Variants in KCNU1 observed in about 807,000 individuals in gnomAD.
KCNU1 encodes potassium calcium-activated channel subfamily U member 1.
A neutral mutation model predicts 126.8 loss-of-function variants in KCNU1; 93 were observed. The observed-to-expected ratio is 0.73, with a 90% confidence interval of 0.62 to 0.87. The LOEUF is 0.87. Ranked by LOEUF, KCNU1 falls within the 40% of genes least tolerant of loss-of-function variation. The pLI is 0.00. For missense variants in KCNU1, 1,330 were observed against 1,367.1 expected (o/e 0.97, Z 0.43); for synonymous variants, 523 against 494.2 (o/e 1.06, Z -0.77).
intron 26 of KCNU1, among the ~76,000 whole-genome samples, 200 bp downstream of exon 26, chr8:36,933,232 T>A (rs758173108): frequency 1.1e-4 from 16 of 152,074 alleles, no homozygotes; most frequent in Non-Finnish European, 2.2e-4. Context: ...CCTATTAATA[T>A]TGGCTATATA....
At chr8:36,833,162 T>C (rs1393923245) in intron 10 of KCNU1, among the ~76,000 whole-genome samples, 2 of 152,112 alleles carry the variant, frequency 1.3e-5, no homozygotes, top group East Asian at 1.9e-4. Flanking sequence ...ATATTAAACA[T>C]GTGTGTTCAA....
At chr8:36,920,583 T>C (rs1808302970) in intron 23 of KCNU1, among the ~76,000 whole-genome samples, 1 of 152,148 alleles carries the variant, frequency 6.6e-6, no homozygotes, top group Non-Finnish European at 1.5e-5. Flanking sequence ...GTCATGTTGA[T>C]GTGGGAGTTG....
intron 18 of KCNU1, among the ~76,000 whole-genome samples, chr8:36,846,802 A>G (rs1271142776): frequency 6.6e-6 from 1 of 151,972 alleles, no homozygotes. Context: ...AAAAAAAAAA[A>G]AAAACTTAGC....
intron 22 of KCNU1, among the ~76,000 whole-genome samples, chr8:36,917,859 C>T (rs1472231345): frequency 6.6e-6 from 1 of 152,174 alleles, no homozygotes; most frequent in Non-Finnish European, 1.5e-5. Context: ...ACAACCTGAG[C>T]ACAGAGGTCA....
intron 24 of KCNU1, among the ~76,000 whole-genome samples, chr8:36,926,269 C>CAAGTGTATGTGA (rs1808529194): frequency 6.6e-6 from 1 of 152,124 alleles, no homozygotes; most frequent in Non-Finnish European, 1.5e-5. Flanking sequence ...AGAGTCATTC[C>CAAGTGTATGTGA]TCGCTGCCGC....
chr8:36,827,198 G>A (rs1370899538), intron 10 of KCNU1, among the ~76,000 whole-genome samples: 1 of 152,140 alleles, frequency 6.6e-6, no homozygotes, highest in Non-Finnish European at 1.5e-5. Context: ...TCTGCCTCAG[G>A]ACCATCTAAT....
intron 12 of KCNU1, among the ~76,000 whole-genome samples, 189 bp downstream of exon 12, chr8:36,835,057 C>T (rs761231349): frequency 3.9e-5 from 6 of 152,258 alleles, no homozygotes; most frequent in South Asian, 4.2e-4. Flanking sequence ...AGGATAAAAA[C>T]GGAGCATCCT....
At chr8:36,904,600 C>T (rs1454070377) in intron 19 of KCNU1, among the ~76,000 whole-genome samples, 1 of 152,060 alleles carries the variant, frequency 6.6e-6, no homozygotes, top group East Asian at 1.9e-4. Context: ...TCCCATGTTC[C>T]CCAGGCCTCT....
Position 36,909,522 on chromosome 8 carries a change from T to C in KCNU1, c.2318T>C (p.Ile773Thr). 1 of 1,587,050 alleles carries C rather than the reference T, an allele frequency of 6.3e-7. No individual in the cohort carries two copies. Among genetic ancestry groups the C allele is most frequent in the South Asian group, 1.1e-5 (1 of 90,498 alleles). Reference sequence around the variant, plus strand: ...CGATTTCTCTGGAATTTTCCCCAGATATACATTCTGCCTGTAAGTATCATA... The same window carrying C: ...CGATTTCTCTGGAATTTTCCCCAGACATACATTCTGCCTGTAAGTATCATA... ...EWRFLWNFPQ[I>T]YILPGCALYS... Residue 773 changes from isoleucine (I) to threonine (T), a missense_variant, in exon 21 of 27, where the codon ATA (isoleucine) becomes ACA (threonine). Coordinates refer to ENST00000399881, the MANE Select transcript of KCNU1 (RefSeq NM_001031836.3).
At chr8:36,899,199 G>A (rs986798471) in intron 19 of KCNU1, among the ~76,000 whole-genome samples, 4 of 151,998 alleles carry the variant, frequency 2.6e-5, no homozygotes, top group Non-Finnish European at 5.9e-5. Context: ...CTTAGATGTG[G>A]GTTTATCTAA....
chr8:36,890,828 A>G (rs1806933930), intron 19 of KCNU1, among the ~76,000 whole-genome samples: 1 of 151,650 alleles, frequency 6.6e-6, no homozygotes, highest in African/African-American at 2.4e-5. Context: ...AACACTTATT[A>G]CCTTTTTTCT....
intron 14 of KCNU1, among the ~76,000 whole-genome samples, chr8:36,837,967 T>G (rs959068168): frequency 3.3e-5 from 5 of 152,190 alleles, no homozygotes; most frequent in African/African-American, 1.2e-4. Flanking sequence ...GTTTCTTCCC[T>G]GGTGCTATTT....
chr8:36,802,108 C>CAAAAAAAA (rs749026223), intron 2 of KCNU1, among the ~76,000 whole-genome samples: 1 of 72,358 alleles, frequency 1.4e-5, no homozygotes, highest in Non-Finnish European at 2.8e-5. Flanking sequence ...AACTCCGTCT[C>CAAAAAAAA]AAAAAAAAAA....
intron 18 of KCNU1, among the ~76,000 whole-genome samples, chr8:36,855,366 T>G (rs1805492793): frequency 6.6e-6 from 1 of 152,146 alleles, no homozygotes; most frequent in Non-Finnish European, 1.5e-5. Context: ...CTTGTAGCAC[T>G]AGATACATGC....
At chr8:36,818,596 T>C (rs1342280002) in intron 10 of KCNU1, among the ~76,000 whole-genome samples, 1 of 152,230 alleles carries the variant, frequency 6.6e-6, no homozygotes, top group Non-Finnish European at 1.5e-5. Flanking sequence ...TTGCCTGATG[T>C]GTAGAGAATT....
At chr8:36,903,797 C>T (rs1297888572) in intron 19 of KCNU1, among the ~76,000 whole-genome samples, 1 of 152,056 alleles carries the variant, frequency 6.6e-6, no homozygotes, top group Admixed American at 6.6e-5. Context: ...AGCTTACCAT[C>T]GTGGTGGAAG....
At chr8:36,857,283 G>C (rs1805560930) in intron 18 of KCNU1, among the ~76,000 whole-genome samples, 1 of 152,168 alleles carries the variant, frequency 6.6e-6, no homozygotes, top group African/African-American at 2.4e-5. Flanking sequence ...ACCTATAAAT[G>C]AGAGCTGTGA....
intron 10 of KCNU1, among the ~76,000 whole-genome samples, chr8:36,819,765 T>C (rs1356606953): frequency 1.3e-5 from 2 of 152,178 alleles, no homozygotes; most frequent in Admixed American, 1.3e-4. Flanking sequence ...TATCACAATC[T>C]ATAATTGTGG....
intron 5 of KCNU1, among the ~76,000 whole-genome samples, chr8:36,806,760 T>G (rs2211729): frequency 0.27 from 40,737 of 152,160 alleles, 6,713 homozygotes; most frequent in African/African-American, 0.44. Context: ...GCATTTTAGA[T>G]AATTATTTAA....
Sources: gnomAD v4.1 joint callset for allele counts (sites outside exome capture counted in the v4.1 genomes callset) on GRCh38, gnomAD v4.1.1 for gene constraint, MANE v1.5 for transcripts, NCBI Gene and HGNC (gene_info 2026-07-23, HGNC 2026-07-21) for gene names.